IGF2BP3: variants seen among roughly 807,000 people sequenced by gnomAD.
IGF2BP3 encodes the protein insulin like growth factor 2 mRNA binding protein 3.
In IGF2BP3, 9 loss-of-function variants were observed where a neutral mutation model predicts 73.8. The ratio of observed to expected loss-of-function variants is 0.12; its 90% CI spans 0.07 to 0.21. The LOEUF is 0.21. IGF2BP3 is among the 10% of genes least tolerant of loss of function. IGF2BP3 has a pLI of 1.00. For missense variants in IGF2BP3, 542 were observed against 714.0 expected, an observed-to-expected ratio of 0.76 and a Z score of 2.75; for synonymous variants, 258 against 256.7, an observed-to-expected ratio of 1.01 and a Z score of -0.05.
At chr7:23,337,225 T>C (rs1784596796) in intron 10 of IGF2BP3, among the ~76,000 whole-genome samples, 2 of 152,160 alleles carry the variant, frequency 1.3e-5, no homozygotes, top group Non-Finnish European at 2.9e-5. Flanking sequence ...ATTGTTCCCC[T>C]GAACATTAAG....
chr7:23,435,584 T>C (rs1308924872), intron 2 of IGF2BP3, among the ~76,000 whole-genome samples: 1 of 150,726 alleles, frequency 6.6e-6, no homozygotes, highest in Non-Finnish European at 1.5e-5. Context: ...GCCTCCCGAG[T>C]AGCTGGGATT....
intron 1 of IGF2BP3, 103 bp from the exon 2 acceptor site, chr7:23,468,645 C>CT: frequency 8.6e-7 from 1 of 1,160,694 alleles, no homozygotes; most frequent in Non-Finnish European, 1.3e-6. Context: ...TCCTGAGGCC[C>CT]TCGAAGGGCC....
At chr7:23,331,688 C>T (rs901919454) in intron 10 of IGF2BP3, among the ~76,000 whole-genome samples, 4 of 151,948 alleles carry the variant, frequency 2.6e-5, no homozygotes, top group South Asian at 4.2e-4. Flanking sequence ...GGTGAAACCC[C>T]GTCTCTACTG....
intron 12 of IGF2BP3, among the ~76,000 whole-genome samples, chr7:23,315,929 G>C (rs973541532): frequency 2.6e-5 from 4 of 152,146 alleles, no homozygotes; most frequent in Non-Finnish European, 5.9e-5. Context: ...TGAATACAGG[G>C]AAAGAACTTT....
At chr7:23,346,805 A>G (rs1158086936) in intron 7 of IGF2BP3, among the ~76,000 whole-genome samples, 1 of 151,960 alleles carries the variant, frequency 6.6e-6, no homozygotes, top group African/African-American at 2.4e-5. Context: ...GTTGGCCAGG[A>G]TGGTCTTGAT....
At chr7:23,432,540 A>G (rs568692560) in intron 2 of IGF2BP3, among the ~76,000 whole-genome samples, 1 of 152,304 alleles carries the variant, frequency 6.6e-6, no homozygotes, top group South Asian at 2.1e-4. Flanking sequence ...ACAAACAAAA[A>G]AAACAGGGCA....
intron 5 of IGF2BP3, among the ~76,000 whole-genome samples, chr7:23,352,472 A>G (rs1385665618): frequency 6.6e-6 from 1 of 151,968 alleles, no homozygotes; most frequent in Non-Finnish European, 1.5e-5. Context: ...TATTTTTAGT[A>G]GAGATGGGGT....
chr7:23,346,634 C>A (rs1197962806), intron 7 of IGF2BP3, among the ~76,000 whole-genome samples: 4 of 151,336 alleles, frequency 2.6e-5, no homozygotes, highest in Non-Finnish European at 5.9e-5. Context: ...CCCTCTGGCG[C>A]CAGGCAGGCG....
chr7:23,336,856 G>A (rs1784586506), intron 10 of IGF2BP3, among the ~76,000 whole-genome samples: 1 of 152,008 alleles, frequency 6.6e-6, no homozygotes, highest in African/African-American at 2.4e-5. Flanking sequence ...GCTGAGGTAT[G>A]AGAATCACTT....
At chr7:23,334,757 A>C (rs532527267) in intron 10 of IGF2BP3, among the ~76,000 whole-genome samples, 4 of 152,256 alleles carry the variant, frequency 2.6e-5, no homozygotes, top group Non-Finnish European at 5.9e-5. Flanking sequence ...GAAAGTTTGC[A>C]TAACTGGTGA....
chr7:23,419,125 G>A (rs763440986), intron 2 of IGF2BP3, among the ~76,000 whole-genome samples: 1 of 152,164 alleles, frequency 6.6e-6, no homozygotes, highest in Non-Finnish European at 1.5e-5. Flanking sequence ...GTTCAAATCC[G>A]TTAGCTTCAA....
At chr7:23,423,688 T>C (rs960454962) in intron 2 of IGF2BP3, among the ~76,000 whole-genome samples, 1 of 151,866 alleles carries the variant, frequency 6.6e-6, no homozygotes, top group African/African-American at 2.4e-5. Context: ...ACAGAACCAC[T>C]ATCCAGAAAC....
rs879654221 is a variant in IGF2BP3 at position 23,311,114 on chromosome 7, ATTT to A, written c.*1245_*1247del. On this transcript the variant is annotated 3_prime_UTR_variant, in exon 15 of 15. Transcript: ENST00000258729. ...ACTTTACTACTTAAGGTGGAGTCTA[ATTT>A]TTTTTTTTTAATTTATCAGTGCTTA... 3.4e-5 allele frequency: 5 copies of A among 147,764 alleles called. No homozygotes were observed. The highest frequency in any genetic ancestry group is 6.0e-5 in the Non-Finnish European group (4 of 66,622). 9.2% of individuals were successfully genotyped at this position (147,764 alleles called of 1,614,324 possible).
chr7:23,423,240 T>C (rs1362573642), intron 2 of IGF2BP3, among the ~76,000 whole-genome samples: 1 of 152,204 alleles, frequency 6.6e-6, no homozygotes, highest in Non-Finnish European at 1.5e-5. Context: ...GCATGAATTA[T>C]AATCATCCAG....
chr7:23,400,683 A>G (rs1786630548), intron 3 of IGF2BP3, among the ~76,000 whole-genome samples: 1 of 152,236 alleles, frequency 6.6e-6, no homozygotes, highest in Non-Finnish European at 1.5e-5. Context: ...GACTGTGTGC[A>G]TGGATCCAAC....
chr7:23,379,974 A>G (rs439590), intron 3 of IGF2BP3, among the ~76,000 whole-genome samples: 46,276 of 151,868 alleles, frequency 0.3, 10,827 homozygotes, highest in African/African-American at 0.66. Flanking sequence ...AACTGGTGAG[A>G]GGTCAGGGGA....
chr7:23,347,624 T>C lies in IGF2BP3; in HGVS notation c.794A>G (p.His265Arg), dbSNP rs1784860351. ...AACKSILEIMHKEAQDIKFTE... is the reference protein window; with the variant it reads ...AACKSILEIMRKEAQDIKFTE... ...CAATTTTATATCTTGAGCTTCCTTA[T>C]GCATAATCTCCAGAATAGACTTACA... Residue 265 changes from histidine (H) to arginine (R), a missense_variant, in exon 7 of 15, where the codon CAT becomes CGT. This residue lies in a region of IGF2BP3 where 303 missense variants were observed against 472.1 expected (regional missense o/e 0.64). Coordinates refer to ENST00000258729, the MANE Select transcript of IGF2BP3 (RefSeq NM_006547.3). 6 of 1,614,012 alleles carry C rather than the reference T, an allele frequency of 3.7e-6. No homozygotes were observed. The highest frequency in any genetic ancestry group is 1.7e-4 in the Middle Eastern group (1 of 6,048).
At chr7:23,407,810 A>G (rs1042309430) in intron 3 of IGF2BP3, among the ~76,000 whole-genome samples, 1 of 152,048 alleles carries the variant, frequency 6.6e-6, no homozygotes, top group Non-Finnish European at 1.5e-5. Context: ...CTACAGACCA[A>G]TATCCTTCAT....
chr7:23,359,070 A>C (rs1785162636), intron 5 of IGF2BP3, among the ~76,000 whole-genome samples: 1 of 152,214 alleles, frequency 6.6e-6, no homozygotes, highest in Admixed American at 6.5e-5. Context: ...TAAATTATAC[A>C]ATTCTTAACA....
Sources: gnomAD v4.1 joint callset for allele counts (sites outside exome capture counted in the v4.1 genomes callset) on GRCh38, gnomAD v4.1.1 for gene constraint, gnomAD v4.1.1 regional missense constraint, MANE v1.5 for transcripts, NCBI Gene and HGNC (gene_info 2026-07-23, HGNC 2026-07-21) for gene names.